The following APBB2 variants were observed in gnomAD, a reference collection of about 807,000 sequenced individuals.
The protein encoded by APBB2 is Fe65-like 1.
In APBB2, 38 loss-of-function variants were observed where a neutral mutation model predicts 82.5. The ratio of observed to expected loss-of-function variants is 0.46; its 90% CI spans 0.36 to 0.60. The LOEUF (loss-of-function observed/expected upper bound fraction) is 0.60. Among genes scored for constraint, APBB2 ranks in the 20% least tolerant of loss-of-function variants. The pLI is 0.00. For synonymous variants in APBB2, 341 were observed against 368.2 expected (o/e 0.93, Z 0.85); for missense variants, 772 against 972.3 (o/e 0.79, Z 2.74).
intron 5 of APBB2, among the ~76,000 whole-genome samples, chr4:41,029,538 A>G (rs1470870849): frequency 1.3e-5 from 2 of 152,110 alleles, no homozygotes; most frequent in Non-Finnish European, 1.5e-5. Flanking sequence ...CTGCCTGAGG[A>G]CTCACTCTGT....
intron 6 of APBB2, among the ~76,000 whole-genome samples, chr4:40,985,044 T>C (rs1325316957): frequency 6.6e-6 from 1 of 151,934 alleles, no homozygotes; most frequent in East Asian, 1.9e-4. Context: ...TCTCAACCTC[T>C]CAAGTAGTTA....
intron 6 of APBB2, among the ~76,000 whole-genome samples, chr4:40,956,521 T>G (rs1791682987): frequency 6.6e-6 from 1 of 152,134 alleles, no homozygotes; most frequent in Non-Finnish European, 1.5e-5. Flanking sequence ...CAAGACATAA[T>G]TTAGGTCTTG....
chr4:41,016,807 T>C (rs76382151), intron 5 of APBB2, among the ~76,000 whole-genome samples: 2,203 of 152,050 alleles, frequency 0.014, 33 homozygotes, highest in Non-Finnish European at 0.02. Context: ...GACCATCCAA[T>C]ACAAACTGGA....
At position 40,810,070 on chromosome 4, in the gene APBB2, A is replaced by G. The variant is rs1283191500; in HGVS notation, c.*6022T>C. On this transcript the variant is annotated 3_prime_UTR_variant, in exon 18 of 18. Coordinates refer to ENST00000508593, the MANE Select transcript of APBB2 (RefSeq NM_004307.2). The stretch of plus-strand genomic sequence containing the variant: ...TTTTATTTTTGCAATTCAGTTGTAT[A>G]GAAATGTTACATAAATTCCTAAATG... 1 of 152,232 alleles carries G rather than the reference A, an allele frequency of 6.6e-6. No individual in the cohort carries two copies. Among genetic ancestry groups the G allele is most frequent in the Non-Finnish European group, 1.5e-5 (1 of 68,034 alleles). The allele number at this position is 152,232 out of a possible 1,614,324, so 9.4% of individuals were successfully genotyped here. A position where few individuals can be genotyped will look rare whatever the true frequency, so the allele number is the denominator to read the frequency against.
intron 4 of APBB2, among the ~76,000 whole-genome samples, chr4:41,061,636 CAT>C (rs1290097876): frequency 1.3e-5 from 2 of 152,222 alleles, no homozygotes; most frequent in African/African-American, 2.4e-5. Context: ...TTATGTGGCA[CAT>C]GACTCATTTT....
At chr4:40,836,422 G>A (rs1310084632) in intron 12 of APBB2, among the ~76,000 whole-genome samples, 1 of 152,176 alleles carries the variant, frequency 6.6e-6, no homozygotes, top group East Asian at 1.9e-4. Context: ...GGTTGCAGTA[G>A]GCTGAGATTC....
chr4:40,994,016 G>A (rs1156285374), intron 6 of APBB2, among the ~76,000 whole-genome samples: 1 of 152,022 alleles, frequency 6.6e-6, no homozygotes, highest in Admixed American at 6.6e-5. Flanking sequence ...GAGGCTGGGC[G>A]CGGTAGCTCA....
chr4:41,157,492 T>C (rs951829323), intron 1 of APBB2, among the ~76,000 whole-genome samples: 6 of 152,160 alleles, frequency 3.9e-5, no homozygotes, highest in Non-Finnish European at 5.9e-5. Flanking sequence ...GCTCTACCGA[T>C]AGGTGGGAGA....
chr4:41,069,072 G>A (rs578185706), intron 3 of APBB2, among the ~76,000 whole-genome samples: 15 of 152,266 alleles, frequency 9.9e-5, no homozygotes, highest in African/African-American at 3.4e-4. Context: ...GGGATTACAG[G>A]CGTGAGCCAC....
chr4:40,984,175 C>G (rs1799818265), intron 6 of APBB2, among the ~76,000 whole-genome samples: 1 of 152,134 alleles, frequency 6.6e-6, no homozygotes, highest in African/African-American at 2.4e-5. Context: ...ACGACACAGA[C>G]ACAGAAACCC....
intron 4 of APBB2, among the ~76,000 whole-genome samples, chr4:41,037,804 G>A (rs1003388439): frequency 6.6e-6 from 1 of 152,116 alleles, no homozygotes; most frequent in East Asian, 1.9e-4. Flanking sequence ...TGGATTACGA[G>A]GTTAAGAGTT....
chr4:40,930,360 A>G (rs973448078), intron 10 of APBB2, among the ~76,000 whole-genome samples: 1 of 152,164 alleles, frequency 6.6e-6, no homozygotes, highest in Admixed American at 6.5e-5. Context: ...TACTGCATAA[A>G]AATTTTGGTA....
intron 12 of APBB2, among the ~76,000 whole-genome samples, chr4:40,863,523 C>A (rs1161692256): frequency 6.6e-6 from 1 of 152,122 alleles, no homozygotes; most frequent in African/African-American, 2.4e-5. Context: ...TAGCAAGAAT[C>A]CATACGTGAA....
At chr4:40,949,284 G>A (rs1789398884) in intron 6 of APBB2, among the ~76,000 whole-genome samples, 1 of 152,002 alleles carries the variant, frequency 6.6e-6, no homozygotes. Flanking sequence ...GCGGGGGGAG[G>A]GGAAGAAGAT....
chr4:41,109,866 G>A (rs1748565445), intron 2 of APBB2, among the ~76,000 whole-genome samples: 2 of 152,124 alleles, frequency 1.3e-5, no homozygotes, highest in African/African-American at 2.4e-5. Flanking sequence ...TTTGTCAAAG[G>A]TCACGGAGCT....
intron 2 of APBB2, among the ~76,000 whole-genome samples, chr4:41,112,461 C>T (rs771876848): frequency 6.6e-6 from 1 of 152,238 alleles, no homozygotes; most frequent in African/African-American, 2.4e-5. Context: ...GGCCTGGCAG[C>T]GCCCTGCACA....
At chr4:40,931,025 G>A (rs1375358447) in intron 10 of APBB2, among the ~76,000 whole-genome samples, 1 of 152,074 alleles carries the variant, frequency 6.6e-6, no homozygotes, top group Non-Finnish European at 1.5e-5. Context: ...GGGATTACAG[G>A]CATGAGCCAC....
At chr4:40,907,572 T>A (rs1157592651) in intron 10 of APBB2, among the ~76,000 whole-genome samples, 2 of 151,088 alleles carry the variant, frequency 1.3e-5, no homozygotes, top group Non-Finnish European at 2.9e-5. Flanking sequence ...GGTTTCGCCC[T>A]GTTGGTTAGG....
At chr4:41,094,859 C>G (rs1205795875) in intron 3 of APBB2, among the ~76,000 whole-genome samples, 1 of 152,182 alleles carries the variant, frequency 6.6e-6, no homozygotes, top group African/African-American at 2.4e-5. Context: ...GCCACCGCAC[C>G]CAGCCTCTGT....
Sources: gnomAD v4.1 joint callset for allele counts (sites outside exome capture counted in the v4.1 genomes callset) on GRCh38, gnomAD v4.1.1 for gene constraint, MANE v1.5 for transcripts, NCBI Gene and HGNC (gene_info 2026-07-23, HGNC 2026-07-21) for gene names.